TTC7B: variants seen among roughly 807,000 people sequenced by gnomAD.
The protein encoded by TTC7B is tetratricopeptide repeat domain 7B, also known as tetratricopeptide repeat protein 7B.
TTC7B carries 28 observed loss-of-function variants against 106.8 expected under a neutral mutation model. The ratio of observed to expected loss-of-function variants is 0.26; its 90% CI spans 0.19 to 0.36. TTC7B has a LOEUF of 0.36. Ranked by LOEUF, TTC7B falls within the 10% of genes least tolerant of loss-of-function variation. The probability of loss-of-function intolerance (pLI) is 1.00; values close to 1 mark genes in which losing one functional copy is unlikely to be tolerated. For missense variants in TTC7B, 862 were observed against 1,076.4 expected (o/e 0.80, Z 2.79); for synonymous variants, 405 against 430.6 (o/e 0.94, Z 0.74).
chr14:90,658,080 T>G, intron 10 of TTC7B: 1 of 551,808 alleles, frequency 1.8e-6, no homozygotes, highest in East Asian at 3.1e-5. Context: ...TCACAATGAC[T>G]GGAAAAAGAC....
At chr14:90,803,604 A>G (rs1160529233) in intron 1 of TTC7B, among the ~76,000 whole-genome samples, 1 of 152,232 alleles carries the variant, frequency 6.6e-6, no homozygotes, top group Admixed American at 6.5e-5. Context: ...CAAAGATGGC[A>G]AAAGGCAAAG....
intron 5 of TTC7B, among the ~76,000 whole-genome samples, chr14:90,706,727 G>A (rs1471886499): frequency 6.6e-6 from 1 of 152,174 alleles, no homozygotes; most frequent in Non-Finnish European, 1.5e-5. Flanking sequence ...AGGTAAAGGT[G>A]TTCCAGGCTC....
At chr14:90,689,103 C>G (rs933542500) in intron 7 of TTC7B, among the ~76,000 whole-genome samples, 1 of 152,200 alleles carries the variant, frequency 6.6e-6, no homozygotes, top group Admixed American at 6.5e-5. Flanking sequence ...GATTCTCCTT[C>G]TTATATCTAG....
chr14:90,561,128 G>C (rs541147740), intron 19 of TTC7B, among the ~76,000 whole-genome samples: 1 of 152,218 alleles, frequency 6.6e-6, no homozygotes, highest in African/African-American at 2.4e-5. Flanking sequence ...TGTAGAGAAT[G>C]AGAGAGAACC....
chr14:90,720,661 G>A (rs192766963), intron 5 of TTC7B, among the ~76,000 whole-genome samples: 19 of 152,194 alleles, frequency 1.2e-4, no homozygotes, highest in Admixed American at 2.6e-4. Flanking sequence ...TGAATCTCCC[G>A]TTATGTCAAG....
At chr14:90,699,159 T>C (rs985094402) in intron 5 of TTC7B, 2 of 455,836 alleles carry the variant, frequency 4.4e-6, no homozygotes, top group African/African-American at 4.0e-5. Context: ...TTACCGCACC[T>C]GGTTTCGTCC....
At chr14:90,781,468 C>A (rs1307234510) in intron 2 of TTC7B, among the ~76,000 whole-genome samples, 1 of 152,140 alleles carries the variant, frequency 6.6e-6, no homozygotes, top group Non-Finnish European at 1.5e-5. Flanking sequence ...AAAGCTGTTG[C>A]AAAAACCAAA....
At chr14:90,780,271 C>A (rs1157707652) in intron 3 of TTC7B, among the ~76,000 whole-genome samples, 4 of 151,944 alleles carry the variant, frequency 2.6e-5, no homozygotes, top group Non-Finnish European at 5.9e-5. Context: ...ATCCCAGCTA[C>A]TCGGGAGGTT....
At chr14:90,576,211 C>T (rs749005791) in intron 19 of TTC7B, among the ~76,000 whole-genome samples, 1 of 152,074 alleles carries the variant, frequency 6.6e-6, no homozygotes, top group South Asian at 2.1e-4. Context: ...AAACATGCAG[C>T]CTCTTTTTAA....
At chr14:90,735,118 C>T (rs189406445) in intron 4 of TTC7B, among the ~76,000 whole-genome samples, 173 of 152,288 alleles carry the variant, frequency 1.1e-3, no homozygotes, top group African/African-American at 3.9e-3. Flanking sequence ...CCCCTGCAGT[C>T]AAACAGTATC....
chr14:90,628,207 A>T (rs1425479482), intron 15 of TTC7B, among the ~76,000 whole-genome samples: 2 of 152,246 alleles, frequency 1.3e-5, no homozygotes, highest in Non-Finnish European at 2.9e-5. Context: ...CGTGAACAGG[A>T]CATGTTTGAA....
At chr14:90,665,531 G>A (rs1040047601) in intron 9 of TTC7B, among the ~76,000 whole-genome samples, 7 of 152,182 alleles carry the variant, frequency 4.6e-5, no homozygotes, top group East Asian at 1.9e-4. Flanking sequence ...AACTGGGTGC[G>A]CGGCAGCGAC....
intron 18 of TTC7B, among the ~76,000 whole-genome samples, chr14:90,592,708 C>CA (rs532130582): frequency 0.19 from 22,118 of 118,284 alleles, 1,757 homozygotes; most frequent in East Asian, 0.26. Flanking sequence ...GACTCTGTCT[C>CA]AAAAAAAAAA....
intron 19 of TTC7B, among the ~76,000 whole-genome samples, chr14:90,542,053 C>T (rs1177082554): frequency 5.3e-5 from 8 of 152,180 alleles, no homozygotes; most frequent in African/African-American, 1.9e-4. Context: ...CATTCTCCTG[C>T]CTCAGCCTCC....
In TTC7B at chr14:90,693,286, T is replaced by C. The variant is rs570285188; in HGVS notation, c.777+2214A>G. On this transcript the variant is annotated intron_variant, in intron 6 of 19. Coordinates refer to ENST00000328459, the MANE Select transcript of TTC7B (RefSeq NM_001010854.2). ...GTAGGGCAAGTTATAGAGGTCTACC[T>C]AATGAACGTCCCTAGATAGGAAAGT... Among the ~76,000 whole-genome samples the C allele has an allele frequency of 9.2e-5, 14 of 152,166 alleles. No homozygotes were observed. The East Asian group carries it at 1.2e-3, about 13-fold the overall frequency.
At chr14:90,726,191 G>A (rs574104516) in intron 5 of TTC7B, among the ~76,000 whole-genome samples, 4 of 152,204 alleles carry the variant, frequency 2.6e-5, no homozygotes, top group African/African-American at 9.7e-5. Flanking sequence ...CAAGTAGGGA[G>A]TAACATTATC....
At chr14:90,647,900 T>C (rs1416452115) in intron 13 of TTC7B, among the ~76,000 whole-genome samples, 1 of 152,154 alleles carries the variant, frequency 6.6e-6, no homozygotes, top group East Asian at 1.9e-4. Flanking sequence ...CAAAACTTCA[T>C]GCTGTTCTGT....
At chr14:90,603,418 G>T in intron 17 of TTC7B, 1 of 621,500 alleles carries the variant, frequency 1.6e-6, no homozygotes, top group Non-Finnish European at 2.5e-6. Flanking sequence ...TGTAAGTCTG[G>T]CTGTCTAGAA....
Position 90,527,438 on chromosome 14 carries a change from G to A in TTC7B, c.*13930C>T, listed in dbSNP as rs1889172384. 4 of 152,092 alleles carry A rather than the reference G, an allele frequency of 2.6e-5. No homozygotes were observed. Among genetic ancestry groups the A allele is most frequent in the Admixed American group, 6.6e-5 (1 of 15,266 alleles). 9.4% of individuals were successfully genotyped at this position (152,092 alleles called of 1,614,324 possible). A position where few individuals can be genotyped will look rare whatever the true frequency, so the allele number is the denominator to read the frequency against. ...CCCTGTTACTGTCCCTCTGGTAGAA[G>A]TCCTAATAATCTCTAAACTTAGCAA... is the stretch of plus-strand genomic sequence containing the variant. On this transcript the variant is annotated 3_prime_UTR_variant, in exon 20 of 20. Transcript: ENST00000328459.
Sources: gnomAD v4.1 joint callset for allele counts (sites outside exome capture counted in the v4.1 genomes callset) on GRCh38, gnomAD v4.1.1 for gene constraint, MANE v1.5 for transcripts, NCBI Gene and HGNC (gene_info 2026-07-23, HGNC 2026-07-21) for gene names.